The following CADM2 variants were observed in gnomAD, a reference collection of about 807,000 sequenced individuals.
CADM2 encodes the protein immunoglobulin superfamily member 4D.
Under a neutral mutation model 49.8 loss-of-function variants are expected in CADM2, and 12 were observed. The ratio of observed to expected loss-of-function variants is 0.24; its 90% CI spans 0.15 to 0.39. CADM2 has a LOEUF of 0.39. Ranked by LOEUF, CADM2 falls within the 10% of genes least tolerant of loss-of-function variation. The pLI, the probability that CADM2 is intolerant of heterozygous loss-of-function variation, is 1.00. For missense variants in CADM2, 378 were observed against 492.3 expected (o/e 0.77, Z 2.20); for synonymous variants, 214 against 175.4 (o/e 1.22, Z -1.74).
chr3:85,666,082 T>A (rs2065557349), intron 1 of CADM2, among the ~76,000 whole-genome samples: 1 of 151,920 alleles, frequency 6.6e-6, no homozygotes, highest in South Asian at 2.1e-4. Context: ...TCACGAGCAT[T>A]CCTATACACC....
chr3:85,706,471 T>A (rs1262803725), intron 1 of CADM2, among the ~76,000 whole-genome samples: 1 of 152,184 alleles, frequency 6.6e-6, no homozygotes, highest in Non-Finnish European at 1.5e-5. Context: ...AACATTCACA[T>A]TCCTAATGAT....
chr3:86,007,701 C>T (rs901126686), intron 8 of CADM2, among the ~76,000 whole-genome samples: 1 of 152,126 alleles, frequency 6.6e-6, no homozygotes, highest in Non-Finnish European at 1.5e-5. Flanking sequence ...TTGGACCTCT[C>T]CAGCTTACAC....
intron 1 of CADM2, among the ~76,000 whole-genome samples, chr3:85,422,701 C>T (rs925513851): frequency 2.6e-5 from 4 of 152,156 alleles, no homozygotes; most frequent in South Asian, 2.1e-4. Context: ...CATGTTGAAA[C>T]GGGAGAGTTT....
rs1375012087 is a variant in CADM2 at position 85,568,447 on chromosome 3, C to CTTTCTTTCTT, written c.62-158073_62-158064dup. On this transcript the variant is annotated intron_variant, in intron 1 of 9. Transcript: ENST00000383699. ...TCTTTCTTTCTTTCTTTCTTTCTTTCTTTCTTTCTTTCTTTCTCTTTCTCT... is the reference window on the plus strand; with the variant it reads ...TCTTTCTTTCTTTCTTTCTTTCTTTCTTTCTTTCTTTTTCTTTCTTTCTTTCTCTTTCTCT... 9.5e-3 allele frequency among the ~76,000 whole-genome samples: 339 copies of CTTTCTTTCTT among 35,782 alleles called. 14 individuals carry two copies. The highest frequency in any genetic ancestry group is 0.026 in the African/African-American group (323 of 12,424). 23.5% of individuals were successfully genotyped at this position (35,782 alleles called of 152,430 possible).
chr3:85,768,581 T>C (rs1192703238), intron 2 of CADM2, among the ~76,000 whole-genome samples: 2 of 149,112 alleles, frequency 1.3e-5, no homozygotes, highest in African/African-American at 4.9e-5. Context: ...GCAATCACTG[T>C]TAAAACTCTA....
chr3:85,391,539 T>C (rs1315870475), intron 1 of CADM2, among the ~76,000 whole-genome samples: 6 of 151,942 alleles, frequency 3.9e-5, no homozygotes, highest in African/African-American at 1.4e-4. Flanking sequence ...CATATGTAAA[T>C]TGCAAACTTA....
intron 1 of CADM2, among the ~76,000 whole-genome samples, chr3:84,969,948 T>C (rs2031295450): frequency 6.6e-6 from 1 of 151,900 alleles, no homozygotes; most frequent in Non-Finnish European, 1.5e-5. Context: ...TATCTTCTTG[T>C]TCTACTTTGA....
At chr3:85,479,572 C>T (rs2039124785) in intron 1 of CADM2, among the ~76,000 whole-genome samples, 1 of 151,870 alleles carries the variant, frequency 6.6e-6, no homozygotes, top group South Asian at 2.1e-4. Context: ...TGTCTCCTCC[C>T]AAAACCCATG....
intron 1 of CADM2, among the ~76,000 whole-genome samples, chr3:85,593,513 G>A (rs1387650322): frequency 6.6e-6 from 1 of 151,932 alleles, no homozygotes; most frequent in Non-Finnish European, 1.5e-5. Context: ...TCGTCATAGA[G>A]CATTTGTTTC....
intron 1 of CADM2, among the ~76,000 whole-genome samples, chr3:85,540,162 T>C (rs1261191545): frequency 6.6e-6 from 1 of 152,144 alleles, no homozygotes; most frequent in Non-Finnish European, 1.5e-5. Context: ...TGAAATCTTG[T>C]AGGATTATAT....
At chr3:85,071,497 C>T (rs963366220) in intron 1 of CADM2, among the ~76,000 whole-genome samples, 3 of 152,040 alleles carry the variant, frequency 2.0e-5, no homozygotes, top group African/African-American at 7.2e-5. Flanking sequence ...TTGTAAGGTG[C>T]CAATATCAGA....
At chr3:85,069,959 T>C (rs1299026116) in intron 1 of CADM2, among the ~76,000 whole-genome samples, 1 of 152,150 alleles carries the variant, frequency 6.6e-6, no homozygotes, top group Admixed American at 6.6e-5. Flanking sequence ...GGGCACTTTT[T>C]GGCCAAGTTT....
rs1305259365 is a variant in CADM2 at position 86,017,966 on chromosome 3, C to T, written c.971-47639C>T. On this transcript the variant is annotated intron_variant, in intron 8 of 9. Coordinates refer to ENST00000383699, the MANE Select transcript of CADM2 (RefSeq NM_001167675.2). ...TATGTATACATGTGCCATGCTGGTG[C>T]GCTGCACCCACTAACTCGTCATCTA... 2.9e-5 allele frequency among the ~76,000 whole-genome samples: 4 copies of T among 136,454 alleles called. No homozygotes were observed. In the East Asian group the frequency reaches 6.5e-4, roughly 22 times the overall value. The allele number at this position is 136,454 out of a possible 152,430, so 89.5% of individuals were successfully genotyped here.
rs565931397 is a variant in CADM2, at chr3:85,590,419, C to T, written c.62-136103C>T. 2.0e-5 allele frequency among the ~76,000 whole-genome samples: 3 copies of T among 151,888 alleles called. No homozygotes were observed. In the South Asian group the frequency reaches 6.2e-4, roughly 32 times the overall value. On this transcript the variant is annotated intron_variant, in intron 1 of 9. Coordinates refer to ENST00000383699, the MANE Select transcript of CADM2 (RefSeq NM_001167675.2). ...TATCTAAATAATTCAAACTTTTAGA[C>T]TGAAAGCAAAAAAATCATTAGGACA...
At chr3:85,076,054 T>C (rs1389501950) in intron 1 of CADM2, among the ~76,000 whole-genome samples, 4 of 151,150 alleles carry the variant, frequency 2.6e-5, no homozygotes, top group Non-Finnish European at 4.4e-5. Context: ...TGTTCCAGAT[T>C]CTGCAACTTC....
chr3:85,807,577 G>A (rs1440273395), intron 3 of CADM2, among the ~76,000 whole-genome samples: 2 of 151,546 alleles, frequency 1.3e-5, no homozygotes, highest in Non-Finnish European at 2.9e-5. Flanking sequence ...ATTCCATGAT[G>A]ATGGGAATAT....
At chr3:85,786,031 C>G (rs1177031794) in intron 2 of CADM2, among the ~76,000 whole-genome samples, 2 of 151,960 alleles carry the variant, frequency 1.3e-5, no homozygotes, top group Non-Finnish European at 2.9e-5. Context: ...GTCAATGATT[C>G]GTTATTAGCC....
intron 1 of CADM2, among the ~76,000 whole-genome samples, chr3:85,406,166 TATTGATTATAAAA>T (rs1312758872): frequency 6.6e-6 from 1 of 152,050 alleles, no homozygotes; most frequent in East Asian, 1.9e-4. Context: ...TCTATTACTG[TATTGATTATAAAA>T]ATGAAGCATA....
intron 1 of CADM2, among the ~76,000 whole-genome samples, chr3:85,691,638 G>A (rs2066390348): frequency 6.6e-6 from 1 of 152,102 alleles, no homozygotes; most frequent in South Asian, 2.1e-4. Flanking sequence ...TATACCCGAA[G>A]GATTATAAAT....
Sources: allele counts gnomAD v4.1 joint callset (sites outside exome capture counted in the v4.1 genomes callset), GRCh38; gene constraint gnomAD v4.1.1; transcripts MANE v1.5; gene names NCBI Gene and HGNC (gene_info 2026-07-23, HGNC 2026-07-21).